Variants in LRP1 observed in about 807,000 individuals in gnomAD.
The protein encoded by LRP1 is prolow-density lipoprotein receptor-related protein 1.
In LRP1, 51 loss-of-function variants were observed where a neutral mutation model predicts 541.5. The ratio of observed to expected loss-of-function variants is 0.09; its 90% confidence interval spans 0.08 to 0.12. The LOEUF (loss-of-function observed/expected upper bound fraction) is 0.12, where lower values mean the gene tolerates loss of function less well. LRP1 is among the 10% of genes least tolerant of loss of function. The probability of loss-of-function intolerance (pLI) is 1.00; values close to 1 mark genes in which losing one functional copy is unlikely to be tolerated. For missense variants in LRP1, 3,878 were observed against 6,376.2 expected, an observed-to-expected ratio of 0.61 and a Z score of 13.34; for synonymous variants, 2,219 against 2,470.8, an observed-to-expected ratio of 0.90 and a Z score of 3.02.
rs2036459347 is a variant in LRP1, at chr12:57,193,496, A to G, written c.7685-70A>G. 2.5e-6 allele frequency: 4 copies of G among 1,577,430 alleles called. No homozygotes were observed. The East Asian group carries it at 6.7e-5, about 27-fold the overall frequency. ...TGGGGGTGGCCAGCTGGACACGTGC[A>G]TGACGTCTCAGGGAGGCAGCCCTTT... On this transcript the variant is annotated intron_variant, in intron 46 of 88. Transcript: ENST00000243077.
chr12:57,134,985 A>G (rs2035126209), intron 1 of LRP1, among the ~76,000 whole-genome samples: 1 of 152,298 alleles, frequency 6.6e-6, no homozygotes, highest in South Asian at 2.1e-4. Flanking sequence ...GATTACAGGC[A>G]TGAGCCACCA....
In LRP1 at chr12:57,156,393, T is replaced by G. The variant is rs1276443209; in HGVS notation, c.1417+110T>G. Reference sequence around the variant, plus strand: ...CCTCCTGTGGGGACCCTGGCTTCTTTCATGTCATGACCGATTCTCCTAGCC... The same window carrying G: ...CCTCCTGTGGGGACCCTGGCTTCTTGCATGTCATGACCGATTCTCCTAGCC... On this transcript the variant is annotated intron_variant, in intron 9 of 88. Coordinates refer to ENST00000243077, the MANE Select transcript of LRP1 (RefSeq NM_002332.3). This position sits in a 1 kb window ranked among gnomAD's most constrained non-coding sequence, Gnocchi z 5.2. 8.7e-6 allele frequency: 10 copies of G among 1,152,154 alleles called. No individual in the cohort carries two copies. The highest frequency in any genetic ancestry group is 1.2e-5 in the Non-Finnish European group (10 of 830,558). 71.4% of individuals were successfully genotyped at this position (1,152,154 alleles called of 1,614,324 possible).
Position 57,177,947 on chromosome 12 carries a change from C to CT in LRP1, c.4361+375dup, listed in dbSNP as rs34010163. ...CCCAGGGAGGGTGCCTTTTTCTTTT[C>CT]TTTTTTTTTTTTTTTTTTTGAGACA... On this transcript the variant is annotated intron_variant, in intron 26 of 88. Transcript: ENST00000243077. This position sits in a 1 kb window ranked among gnomAD's most constrained non-coding sequence, Gnocchi z 6.8. Among the ~76,000 whole-genome samples the CT allele has an allele frequency of 6.5e-3, 792 of 121,320 alleles. 5 individuals are homozygous for CT. Among genetic ancestry groups the CT allele is most frequent in the African/African-American group, 0.014 (401 of 29,174 alleles). The allele number at this position is 121,320 out of a possible 152,430, so 79.6% of individuals were successfully genotyped here.
chr12:57,130,619 A>G (rs1194096001), intron 1 of LRP1, among the ~76,000 whole-genome samples: 22 of 152,106 alleles, frequency 1.4e-4, no homozygotes, highest in Non-Finnish European at 7.3e-5. Context: ...GAGGAATAGA[A>G]AAAAAATTTG....
intron 77 of LRP1, 23 bp from the exon 78 acceptor site, chr12:57,208,688 A>T: frequency 6.5e-7 from 1 of 1,537,322 alleles, no homozygotes. Context: ...GCCTGCCCAC[A>T]CTCACCCCTT....
rs763791442 is a variant in LRP1, at chr12:57,177,592, G to A, written c.4361+1G>A. ...AGCGCATCCTTTGGATTGACGCCAG[G>A]TCAGCACCCTCTGTGCCCTGAGAAG... On this transcript the variant is annotated splice_donor_variant, in intron 26 of 88. Transcript: ENST00000243077. LOFTEE classifies it high-confidence loss of function. This position sits in a 1 kb window ranked among gnomAD's most constrained non-coding sequence, Gnocchi z 6.8. 6.2e-7 allele frequency: 1 copy of A among 1,613,664 alleles called. No individual in the cohort carries two copies. Among genetic ancestry groups the A allele is most frequent in the Non-Finnish European group, 8.5e-7 (1 of 1,179,862 alleles).
Position 57,205,187 on chromosome 12 carries a change from C to G in LRP1, c.11273C>G (p.Ser3758Cys). 1.2e-6 allele frequency: 2 copies of G among 1,613,982 alleles called. No individual in the cohort carries two copies. The highest frequency in any genetic ancestry group is 8.5e-7 in the Non-Finnish European group (1 of 1,180,010). ...LCRNQRCLSS[S>C]LRCNMFDDCG... ...CGGAACCAGCGCTGCCTCTCCTCCT[C>G]CCTGCGCTGCAACATGTTCGATGAC... The change falls in exon 73 of 89, where the codon TCC becomes TGC. Residue 3758 changes from serine (S) to cysteine (C), a missense_variant. Coordinates refer to ENST00000243077, the MANE Select transcript of LRP1 (RefSeq NM_002332.3). This position sits in a 1 kb window ranked among gnomAD's most constrained non-coding sequence, Gnocchi z 4.6.
chr12:57,196,006 G>A lies in LRP1; in HGVS notation c.8701+3G>A. ...GAACCCACACTGCACCAGCCAAGGT[G>A]GGCCCCAGACCTGGCTCCCCTCTGC... On this transcript the variant is annotated splice_donor_region_variant and intron_variant, in intron 54 of 88. Coordinates refer to ENST00000243077, the MANE Select transcript of LRP1 (RefSeq NM_002332.3). 6.2e-7 allele frequency: 1 copy of A among 1,612,364 alleles called. No individual in the cohort carries two copies. The highest frequency in any genetic ancestry group is 1.1e-5 in the South Asian group (1 of 91,080).
chr12:57,178,536 C>T lies in LRP1; in HGVS notation c.4539C>T (p.Thr1513=), dbSNP rs376985407. The T allele has an allele frequency of 5.6e-6, 9 of 1,614,090 alleles. No individual in the cohort carries two copies. In the Admixed American group the frequency reaches 6.7e-5, roughly 12 times the overall value. Residue 1513 remains threonine (T), a synonymous_variant, in exon 27 of 89, where the codon ACC becomes ACT. Coordinates refer to ENST00000243077, the MANE Select transcript of LRP1 (RefSeq NM_002332.3). The surrounding 1 kb of genome is among the most constrained non-coding windows in gnomAD (Gnocchi z 5.8). ...KANKWTGHNV[T]VVQRTNTQPF... The stretch of plus-strand genomic sequence containing the variant: ...ACAAGTGGACCGGCCACAATGTCAC[C>T]GTGGTACAGAGGACCAACACCCAGC...
In LRP1 at chr12:57,194,665, T is replaced by A; in HGVS notation, c.8157T>A (p.Asp2719Glu). 1 of 1,596,444 alleles carries A rather than the reference T, an allele frequency of 6.3e-7. No individual in the cohort carries two copies. The highest frequency in any genetic ancestry group is 8.5e-7 in the Non-Finnish European group (1 of 1,171,796). ...IPMSWTCDKEDDCEHGEDETH... is the reference protein window; with the variant it reads ...IPMSWTCDKEEDCEHGEDETH... ...TGAGCTGGACGTGTGACAAAGAGGA[T>A]GACTGTGAACATGGCGAGGACGAGA... Residue 2719 changes from aspartate to glutamate, a missense_variant, in exon 50 of 89, where the codon GAT becomes GAA. This residue lies in a region of LRP1 where 1,100 missense variants were observed against 1,827.4 expected (regional missense o/e 0.60). Transcript: ENST00000243077.
chr12:57,188,265 C>T (rs1035162006), intron 42 of LRP1, among the ~76,000 whole-genome samples: 4 of 152,234 alleles, frequency 2.6e-5, no homozygotes, highest in African/African-American at 9.6e-5. Context: ...GCCACCCCCT[C>T]GCCTTAGGGA....
chr12:57,203,926 G>T lies in LRP1; in HGVS notation c.10951+405G>T, dbSNP rs541212455. On this transcript the variant is annotated intron_variant, in intron 70 of 88. Coordinates refer to ENST00000243077, the MANE Select transcript of LRP1 (RefSeq NM_002332.3). ...GTGCCTGTCCCTCGCTGACCTGCCT[G>T]GGCTCTGCAGTACAGAGGGGGCAGG... 7 of 211,738 alleles carry T rather than the reference G, an allele frequency of 3.3e-5. No homozygotes were observed. In the South Asian group the frequency reaches 6.7e-4, roughly 20 times the overall value. 13.1% of individuals were successfully genotyped at this position (211,738 alleles called of 1,614,324 possible).
Position 57,194,265 on chromosome 12 carries a change from C to T in LRP1, c.7919-89C>T, listed in dbSNP as rs958211655. ...AAGGGCACCGTTCAACTTTTGGAAA[C>T]ACATGAAGGCTCCATAGGGCTGGCA... On this transcript the variant is annotated intron_variant, in intron 48 of 88. Coordinates refer to ENST00000243077, the MANE Select transcript of LRP1 (RefSeq NM_002332.3). The T allele has an allele frequency of 1.3e-5, 18 of 1,417,002 alleles. 1 individual carries two copies. Among genetic ancestry groups the T allele is most frequent in the Middle Eastern group, 2.2e-4 (1 of 4,620 alleles). The allele number at this position is 1,417,002 out of a possible 1,614,324, so 87.8% of individuals were successfully genotyped here.
At chr12:57,187,123 C>G in intron 41 of LRP1, 144 bp from the exon 42 acceptor site, 2 of 760,094 alleles carry the variant, frequency 2.6e-6, no homozygotes, top group Non-Finnish European at 4.1e-6. Flanking sequence ...CCCCCGAGCC[C>G]TCTCTGCTGC....
In LRP1 at chr12:57,202,541, C is replaced by T. The variant is rs190093413; in HGVS notation, c.10711+4C>T. 1.2e-3 allele frequency: 1,798 copies of T among 1,562,872 alleles called. 38 individuals carry two copies. The East Asian group carries it at 0.03, about 26-fold the overall frequency. ...AACTCCGATGAAGAGAGCTGCAGTA[C>T]GTCCCCACCCACCCAGCCCCGCATG... On this transcript the variant is annotated splice_donor_region_variant and intron_variant, in intron 68 of 88. Transcript: ENST00000243077.
chr12:57,189,038 C>T lies in LRP1; in HGVS notation c.7031+1582C>T, dbSNP rs191385653. 6.6e-6 allele frequency among the ~76,000 whole-genome samples: 1 copy of T among 152,306 alleles called. No homozygotes were observed. The highest frequency in any genetic ancestry group is 1.5e-5 in the Non-Finnish European group (1 of 68,024). On this transcript the variant is annotated intron_variant, in intron 42 of 88. Transcript: ENST00000243077. This position sits in a 1 kb window ranked among gnomAD's most constrained non-coding sequence, Gnocchi z 4.4. ...AGTGGAGACTCCAACAACCCAGCCT[C>T]CTCCTGAGCCCTCCCCGCGTCAGCA...
chr12:57,202,322 T>A, intron 67 of LRP1, 99 bp from the exon 68 acceptor site: 1 of 939,162 alleles, frequency 1.1e-6, no homozygotes, highest in Admixed American at 1.7e-5. Flanking sequence ...CAAGCTGGGA[T>A]GCCCACCCTC....
intron 3 of LRP1, among the ~76,000 whole-genome samples, chr12:57,142,802 G>A (rs902099188): frequency 6.6e-6 from 1 of 152,148 alleles, no homozygotes; most frequent in Non-Finnish European, 1.5e-5. Context: ...AGCATGAATG[G>A]CTCTCGGGTG....
chr12:57,161,073 C>T lies in LRP1; in HGVS notation c.2160C>T (p.Tyr720=), dbSNP rs771753830. Residue 720 remains tyrosine, a synonymous_variant, in exon 13 of 89, where the codon TAC becomes TAT. Transcript: ENST00000243077. ...AGRLYWVDAF[Y]DRIETILLNG... ...GCCTCTACTGGGTGGATGCCTTCTA[C>T]GACCGCATCGAGACGATACTGCTCA... 30 of 1,613,636 alleles carry T rather than the reference C, an allele frequency of 1.9e-5. No homozygotes were observed. Among genetic ancestry groups the T allele is most frequent in the East Asian group, 8.9e-5 (4 of 44,876 alleles).
Sources: gnomAD v4.1 joint callset for allele counts (sites outside exome capture counted in the v4.1 genomes callset) on GRCh38, gnomAD v4.1.1 for gene constraint, gnomAD v4.1.1 regional missense constraint, Gnocchi (gnomAD v3.1) non-coding constraint, MANE v1.5 for transcripts, NCBI Gene and HGNC (gene_info 2026-07-23, HGNC 2026-07-21) for gene names.